MYLK4: variants seen among roughly 807,000 people sequenced by gnomAD.
The protein encoded by MYLK4 is caMLCK like.
In MYLK4, 46 loss-of-function variants were observed where a neutral mutation model predicts 48.1. The observed-to-expected ratio is 0.96, with a 90% CI of 0.75 to 1.22. MYLK4 has a LOEUF of 1.22. MYLK4 is among the 50% of genes most tolerant of loss of function. The pLI is 0.00. For synonymous variants in MYLK4, 170 were observed against 180.8 expected, an observed-to-expected ratio of 0.94 and a Z score of 0.48; for missense variants, 451 against 486.1, an observed-to-expected ratio of 0.93 and a Z score of 0.68.
At chr6:2,766,026 G>A in the MYLK4 span, 1 of 1,321,300 alleles carries the variant, frequency 7.6e-7, no homozygotes, top group Non-Finnish European at 9.6e-7. Flanking sequence ...AGCAGCCCCG[G>A]GAGGAAGGGG....
the MYLK4 span, among the ~76,000 whole-genome samples, chr6:2,758,982 C>T: frequency 6.6e-6 from 1 of 152,214 alleles, no homozygotes; most frequent in African/African-American, 2.4e-5. Context: ...TACACTCCCA[C>T]CAGCACTATA....
intron 2 of MYLK4, among the ~76,000 whole-genome samples, chr6:2,705,957 T>C (rs995883701): frequency 1.4e-4 from 21 of 151,268 alleles, no homozygotes; most frequent in Non-Finnish European, 5.9e-5. Context: ...TGTAGCCCAA[T>C]CAGCTCAACT....
At chr6:2,688,040 T>G (rs993115304) in intron 4 of MYLK4, among the ~76,000 whole-genome samples, 3 of 151,348 alleles carry the variant, frequency 2.0e-5, no homozygotes, top group African/African-American at 7.3e-5. Flanking sequence ...TAATTTTCCT[T>G]CTGGTTTTTT....
chr6:2,668,106 ATT>A lies in MYLK4; in HGVS notation c.*26-209_*26-208del, dbSNP rs57839277. 4.5e-4 allele frequency among the ~76,000 whole-genome samples: 68 copies of A among 150,776 alleles called. No individual in the cohort carries two copies. The East Asian group carries it at 0.012, about 27-fold the overall frequency. On this transcript the variant is annotated intron_variant, in intron 12 of 12. Coordinates refer to ENST00000274643, the MANE Select transcript of MYLK4 (RefSeq NM_001012418.5). ...TTTTATTTTTCAGTTTGTGCAAGAC[ATT>A]TTTTTTTTCTTTCCAACTTTTATTT...
the MYLK4 span, chr6:2,768,596 G>A: frequency 9.2e-7 from 1 of 1,091,916 alleles, no homozygotes. Context: ...AGTTGCTTTT[G>A]GTAAATAGTG....
chr6:2,714,152 C>A (rs9503267), intron 2 of MYLK4, among the ~76,000 whole-genome samples: 1 of 151,970 alleles, frequency 6.6e-6, no homozygotes, highest in Non-Finnish European at 1.5e-5. Flanking sequence ...TTCCAGGACC[C>A]GGTCAGAGGA....
intron 2 of MYLK4, among the ~76,000 whole-genome samples, chr6:2,716,875 T>C (rs1304832725): frequency 6.6e-6 from 1 of 152,228 alleles, no homozygotes; most frequent in African/African-American, 2.4e-5. Flanking sequence ...TGGAACATAG[T>C]GAGCTCTCAA....
At chr6:2,713,848 T>A (rs1389054079) in intron 2 of MYLK4, among the ~76,000 whole-genome samples, 1 of 152,086 alleles carries the variant, frequency 6.6e-6, no homozygotes, top group Non-Finnish European at 1.5e-5. Flanking sequence ...TTGGTAAAAA[T>A]TCCTCTTCAA....
intron 11 of MYLK4, 86 bp downstream of exon 11, chr6:2,674,961 A>G (rs2113094988): frequency 1.1e-6 from 1 of 900,544 alleles, no homozygotes; most frequent in Middle Eastern, 2.1e-4. Context: ...AAAGAATCTT[A>G]TTTAAGGTTA....
intron 4 of MYLK4, among the ~76,000 whole-genome samples, chr6:2,687,652 G>A (rs1761611622): frequency 6.6e-6 from 1 of 152,164 alleles, no homozygotes. Context: ...CATCCCCGCA[G>A]TCTCATGGGG....
the MYLK4 span, among the ~76,000 whole-genome samples, chr6:2,765,101 C>T: frequency 6.6e-6 from 1 of 152,008 alleles, no homozygotes; most frequent in Admixed American, 6.5e-5. Flanking sequence ...CCTCCCTGCC[C>T]TCGCGCGACT....
rs191307722 is a variant in MYLK4 at position 2,675,413 on chromosome 6, C to T, written c.1041-288G>A. 2.0e-5 allele frequency among the ~76,000 whole-genome samples: 3 copies of T among 152,294 alleles called. No homozygotes were observed. In the East Asian group the frequency reaches 5.8e-4, roughly 29 times the overall value. On this transcript the variant is annotated intron_variant, in intron 10 of 12. Transcript: ENST00000274643. ...AGTAACCATTTCTGTAGTATAACAT[C>T]TGAGCTTAGTAAAGTGGATTCCTAT...
At chr6:2,763,817 T>C in the MYLK4 span, among the ~76,000 whole-genome samples, 10 of 151,486 alleles carry the variant, frequency 6.6e-5, no homozygotes, top group South Asian at 4.2e-4. Context: ...GCTGCCAGAA[T>C]GCTGTCACCT....
At chr6:2,753,975 A>G (rs1200776777), upstream of MYLK4, among the ~76,000 whole-genome samples, 1 of 151,308 alleles carries the variant, frequency 6.6e-6, no homozygotes, top group Admixed American at 6.6e-5. Flanking sequence ...AGCCTGGGCA[A>G]CATAGCAAGA....
intron 2 of MYLK4, among the ~76,000 whole-genome samples, chr6:2,721,158 C>G (rs1220505298): frequency 6.6e-6 from 1 of 152,032 alleles, no homozygotes; most frequent in Non-Finnish European, 1.5e-5. Flanking sequence ...AAGACTCTGT[C>G]TCAAAAATAA....
At chr6:2,722,817 G>A (rs150279370) in intron 2 of MYLK4, among the ~76,000 whole-genome samples, 41 of 152,010 alleles carry the variant, frequency 2.7e-4, no homozygotes, top group African/African-American at 8.2e-4. Flanking sequence ...AATGGATAAC[G>A]AATATAAAAA....
chr6:2,697,803 C>T (rs1404416494), intron 2 of MYLK4, among the ~76,000 whole-genome samples: 2 of 152,234 alleles, frequency 1.3e-5, no homozygotes, highest in African/African-American at 4.8e-5. Flanking sequence ...TCTGTCTGCC[C>T]GCTGGCATAC....
Position 2,683,074 on chromosome 6 carries a change from A to G in MYLK4, c.634T>C (p.Cys212Arg), listed in dbSNP as rs755994419. Reference sequence around the variant, plus strand: ...TGATGCATGTGCCTTATCCCCTCACATATCTGCTTCATGAACAGGATGGTA... The same window carrying G: ...TGATGCATGTGCCTTATCCCCTCACGTATCTGCTTCATGAACAGGATGGTA... ...LDTILFMKQICEGIRHMHQMY... is the reference protein window; with the variant it reads ...LDTILFMKQIREGIRHMHQMY... The change falls in exon 7 of 13, where the codon TGT becomes CGT. Residue 212 changes from cysteine (C) to arginine (R), a missense_variant. Physicochemically the swap from Cys to Arg is radical, Grantham distance 180. Transcript: ENST00000274643. 1.2e-6 allele frequency: 2 copies of G among 1,614,154 alleles called. No homozygotes were observed. Among genetic ancestry groups the G allele is most frequent in the Non-Finnish European group, 1.7e-6 (2 of 1,180,016 alleles).
intron 2 of MYLK4, among the ~76,000 whole-genome samples, chr6:2,745,485 T>C (rs1404586648): frequency 6.6e-6 from 1 of 152,240 alleles, no homozygotes. Flanking sequence ...CGTGTACGTA[T>C]GTTTAGATCT....
Sources: allele counts gnomAD v4.1 joint callset (sites outside exome capture counted in the v4.1 genomes callset), GRCh38; gene constraint gnomAD v4.1.1; transcripts MANE v1.5; gene names NCBI Gene and HGNC (gene_info 2026-07-23, HGNC 2026-07-21).